RYR2: variants seen among roughly 807,000 people sequenced by gnomAD.
The protein encoded by RYR2 is ryanodine receptor 2.
Under a neutral mutation model 601.1 loss-of-function variants are expected in RYR2, and 227 were observed. The observed-to-expected ratio is 0.38, with a 90% CI of 0.34 to 0.42. The LOEUF is 0.42. RYR2 is among the 10% of genes least tolerant of loss of function. The probability of loss-of-function intolerance (pLI) is 1.00; values close to 1 mark genes in which losing one functional copy is unlikely to be tolerated. For missense variants in RYR2, 4,646 were observed against 6,156.5 expected (o/e 0.75, Z 8.21); for synonymous variants, 2,223 against 2,175.1 (o/e 1.02, Z -0.61).
At chr1:237,112,942 C>T (rs185233839) in intron 1 of RYR2, among the ~76,000 whole-genome samples, 2 of 152,152 alleles carry the variant, frequency 1.3e-5, no homozygotes, top group Admixed American at 1.3e-4. Context: ...AGAGCCCTGG[C>T]GTCATATAAC....
chr1:237,369,390 A>G, intron 5 of RYR2, 144 bp from the exon 6 acceptor site: 2 of 723,636 alleles, frequency 2.8e-6, no homozygotes, highest in Non-Finnish European at 5.0e-6. Context: ...TTATTTCAAC[A>G]GCACTTTGCT....
chr1:237,723,337 T>G, intron 74 of RYR2, 75 bp downstream of exon 74: 1 of 1,176,542 alleles, frequency 8.5e-7, no homozygotes, highest in Non-Finnish European at 1.2e-6. Context: ...TGTGTGTTAA[T>G]TTGTTAACTA....
chr1:237,711,750 CAA>C lies in RYR2; in HGVS notation c.10239_10240del (p.Glu3415ArgfsTer9), dbSNP rs775538977. The C allele has an allele frequency of 6.4e-7, 1 of 1,561,156 alleles. No homozygotes were observed. The highest frequency in any genetic ancestry group is 1.4e-5 in the African/African-American group (1 of 74,042). Reference protein sequence around the residue: ...FIYWSKSHNFKREEQNFVVQN... With the variant: ...FIYWSKSHNFXREEQNFVVQN... ...TTTCCTTTGCAACTTCTCAGAATTT[CAA>C]AAGAGAAGAGCAGAACTTCGTTGTA... is the stretch of plus-strand genomic sequence containing the variant. On this transcript the variant is annotated frameshift_variant, in exon 71 of 105. Coordinates refer to ENST00000366574, the MANE Select transcript of RYR2 (RefSeq NM_001035.3). LOFTEE classifies it high-confidence loss of function.
At chr1:237,688,091 A>T (rs1019104002) in intron 63 of RYR2, among the ~76,000 whole-genome samples, 1 of 152,114 alleles carries the variant, frequency 6.6e-6, no homozygotes, top group African/African-American at 2.4e-5. Context: ...GTTCCAGAGC[A>T]CCTGCTTCCG....
At chr1:237,658,780 C>T (rs930726446) in intron 54 of RYR2, among the ~76,000 whole-genome samples, 6 of 152,132 alleles carry the variant, frequency 3.9e-5, no homozygotes, top group African/African-American at 1.4e-4. Flanking sequence ...CTTTTCTATT[C>T]TTCTGTTGTA....
chr1:237,573,835 A>G (rs544677531), intron 29 of RYR2, among the ~76,000 whole-genome samples: 2 of 151,712 alleles, frequency 1.3e-5, no homozygotes, highest in African/African-American at 2.4e-5. Flanking sequence ...AAATAAAAAG[A>G]TGCTGTTAGG....
At chr1:237,388,293 T>C (rs1702108890) in intron 10 of RYR2, 110 bp downstream of exon 10, 1 of 838,754 alleles carries the variant, frequency 1.2e-6, no homozygotes, top group Admixed American at 2.5e-5. Flanking sequence ...CAAGATGGGC[T>C]ACTGACATTC....
chr1:237,781,966 A>T (rs1336931928), intron 89 of RYR2, among the ~76,000 whole-genome samples: 10 of 152,154 alleles, frequency 6.6e-5, no homozygotes. Context: ...GTCCATAATC[A>T]GTGGGGGTTT....
At chr1:237,729,221 C>T (rs745633390) in intron 76 of RYR2, among the ~76,000 whole-genome samples, 2 of 152,080 alleles carry the variant, frequency 1.3e-5, no homozygotes, top group Admixed American at 6.6e-5. Context: ...TCCAGTGGTT[C>T]GCCAACCTGG....
chr1:237,483,194 T>A (rs1662306671), intron 17 of RYR2, among the ~76,000 whole-genome samples: 2 of 152,232 alleles, frequency 1.3e-5, no homozygotes. Flanking sequence ...TGATCAGTGT[T>A]GTCCATTCAG....
intron 5 of RYR2, among the ~76,000 whole-genome samples, chr1:237,365,864 G>A (rs560142380): frequency 6.6e-6 from 1 of 152,326 alleles, no homozygotes; most frequent in South Asian, 2.1e-4. Context: ...CAAATAGAAA[G>A]ATGATGTAGA....
At chr1:237,651,295 C>T (rs971550704) in intron 50 of RYR2, 116 bp from the exon 51 acceptor site, 5 of 710,680 alleles carry the variant, frequency 7.0e-6, no homozygotes, top group Non-Finnish European at 1.3e-5. Context: ...CTAATGAATA[C>T]CATCTGAAGT....
chr1:237,572,099 G>A (rs562170357), intron 29 of RYR2, among the ~76,000 whole-genome samples: 11 of 151,976 alleles, frequency 7.2e-5, no homozygotes, highest in South Asian at 4.2e-4. Flanking sequence ...ACTTATCTCC[G>A]GGTGGTGAAA....
chr1:237,721,609 C>A (rs975136808), intron 73 of RYR2, among the ~76,000 whole-genome samples: 1 of 152,052 alleles, frequency 6.6e-6, no homozygotes, highest in Non-Finnish European at 1.5e-5. Context: ...CCTCCACCTC[C>A]TTGGGTTCAA....
intron 100 of RYR2, among the ~76,000 whole-genome samples, chr1:237,818,337 G>T (rs183835916): frequency 6.6e-6 from 1 of 152,222 alleles, no homozygotes; most frequent in Non-Finnish European, 1.5e-5. Flanking sequence ...GATAGCCCCT[G>T]CCCAAGGAAT....
At chr1:237,336,059 C>T (rs1697215725) in intron 3 of RYR2, among the ~76,000 whole-genome samples, 2 of 151,936 alleles carry the variant, frequency 1.3e-5, no homozygotes, top group African/African-American at 4.8e-5. Flanking sequence ...AATGAGTTTA[C>T]AACTGCAGGG....
chr1:237,102,528 T>C (rs567895661), intron 1 of RYR2, among the ~76,000 whole-genome samples: 2 of 152,214 alleles, frequency 1.3e-5, no homozygotes, highest in Admixed American at 1.3e-4. Flanking sequence ...TTCCTTCTAG[T>C]TTTGATCAGC....
intron 24 of RYR2, among the ~76,000 whole-genome samples, chr1:237,520,065 G>C: frequency 6.6e-6 from 1 of 152,040 alleles, no homozygotes; most frequent in East Asian, 1.9e-4. Flanking sequence ...TTTTTATGTG[G>C]ATATTGTAAA....
chr1:237,209,628 G>A (rs1381960562), intron 1 of RYR2, among the ~76,000 whole-genome samples: 3 of 151,916 alleles, frequency 2.0e-5, no homozygotes, highest in African/African-American at 4.8e-5. Context: ...TGAGGCAGGC[G>A]GATCACTTGA....
Sources: gnomAD v4.1 joint callset for allele counts (sites outside exome capture counted in the v4.1 genomes callset) on GRCh38, gnomAD v4.1.1 for gene constraint, MANE v1.5 for transcripts, NCBI Gene and HGNC (gene_info 2026-07-23, HGNC 2026-07-21) for gene names.